PLB1: variants seen among roughly 807,000 people sequenced by gnomAD.
PLB1 encodes phospholipase B1, membrane-associated.
A neutral mutation model predicts 227.4 loss-of-function variants in PLB1; 242 were observed. That is an observed-to-expected ratio of 1.06 (90% CI 0.96 to 1.18). PLB1 has a LOEUF of 1.18. Ranked by LOEUF, PLB1 falls within the 50% of genes most tolerant of loss-of-function variation. The probability of loss-of-function intolerance (pLI) is 0.00; values close to 1 mark genes in which losing one functional copy is unlikely to be tolerated. For synonymous variants in PLB1, 757 were observed against 682.2 expected, an observed-to-expected ratio of 1.11 and a Z score of -1.71; for missense variants, 1,858 against 1,816.3, an observed-to-expected ratio of 1.02 and a Z score of -0.42.
intron 20 of PLB1, among the ~76,000 whole-genome samples, chr2:28,568,287 C>G (rs564113099): frequency 1.3e-5 from 2 of 152,294 alleles, no homozygotes; most frequent in South Asian, 4.1e-4. Flanking sequence ...TTTCTGGGCT[C>G]TTTACTTCCC....
intron 1 of PLB1, 115 bp from the exon 2 acceptor site, chr2:28,516,693 G>T: frequency 1.1e-6 from 1 of 891,212 alleles, no homozygotes; most frequent in Non-Finnish European, 1.8e-6. Flanking sequence ...CTAACACAGT[G>T]GACATTACTG....
chr2:28,638,671 G>A (rs1689641405), intron 56 of PLB1, among the ~76,000 whole-genome samples: 2 of 151,778 alleles, frequency 1.3e-5, no homozygotes, highest in African/African-American at 4.8e-5. Flanking sequence ...AAGAAACTGG[G>A]TGGATGATTG....
chr2:28,601,126 C>A, intron 36 of PLB1, 126 bp from the exon 37 acceptor site: 1 of 842,544 alleles, frequency 1.2e-6, no homozygotes, highest in Non-Finnish European at 1.9e-6. Context: ...TCCTTCAGTT[C>A]AGAGATGCTG....
intron 17 of PLB1, among the ~76,000 whole-genome samples, chr2:28,560,003 C>A (rs897502186): frequency 6.6e-6 from 1 of 152,018 alleles, no homozygotes; most frequent in African/African-American, 2.4e-5. Context: ...CTGCCCGTGT[C>A]GGCCTCCCAA....
chr2:28,620,822 T>G, intron 48 of PLB1, 57 bp from the exon 49 acceptor site: 2 of 1,435,442 alleles, frequency 1.4e-6, no homozygotes, highest in Non-Finnish European at 2.0e-6. Context: ...TCTCAGTTAC[T>G]GTGAGGGTCC....
At chr2:28,512,617 CTG>C (rs1336005442) in intron 1 of PLB1, among the ~76,000 whole-genome samples, 3 of 151,116 alleles carry the variant, frequency 2.0e-5, no homozygotes, top group African/African-American at 7.3e-5. Flanking sequence ...TGGACTTAAA[CTG>C]TGAAATCTGT....
At chr2:28,512,191 C>A (rs1668361131) in intron 1 of PLB1, among the ~76,000 whole-genome samples, 1 of 149,262 alleles carries the variant, frequency 6.7e-6, no homozygotes, top group Non-Finnish European at 1.5e-5. Flanking sequence ...AATCTTTTTT[C>A]CTCTGTATTT....
At chr2:28,605,065 G>C (rs1684472133) in intron 41 of PLB1, among the ~76,000 whole-genome samples, 1 of 152,224 alleles carries the variant, frequency 6.6e-6, no homozygotes. Flanking sequence ...CAGGTGCAGA[G>C]ATGTGAAGCG....
intron 26 of PLB1, among the ~76,000 whole-genome samples, chr2:28,588,101 G>A (rs1270676019): frequency 8.1e-6 from 1 of 123,748 alleles, no homozygotes; most frequent in Non-Finnish European, 1.6e-5. Flanking sequence ...AGAAGCTACG[G>A]CTCTCTCACT....
chr2:28,628,715 G>T, intron 52 of PLB1, 87 bp downstream of exon 52: 3 of 1,306,772 alleles, frequency 2.3e-6, no homozygotes, highest in African/African-American at 1.5e-5. Flanking sequence ...AGATGCTCAC[G>T]GAGCAGAGAC....
intron 21 of PLB1, among the ~76,000 whole-genome samples, chr2:28,576,858 C>T (rs542822950): frequency 1.1e-4 from 16 of 152,166 alleles, no homozygotes; most frequent in African/African-American, 2.9e-4. Flanking sequence ...GTGACTTACC[C>T]GAAGTTCCCA....
At chr2:28,582,684 A>G (rs936596720) in intron 25 of PLB1, among the ~76,000 whole-genome samples, 179 bp downstream of exon 25, 4 of 152,144 alleles carry the variant, frequency 2.6e-5, no homozygotes, top group Non-Finnish European at 5.9e-5. Flanking sequence ...ACCCTGGTGT[A>G]GGCCTCAGCC....
At chr2:28,632,188 C>G in intron 55 of PLB1, 48 bp downstream of exon 55, 2 of 1,431,652 alleles carry the variant, frequency 1.4e-6, no homozygotes, top group South Asian at 2.3e-5. Context: ...GGCCTTATCA[C>G]AGACGATGGA....
At chr2:28,541,997 A>T (rs916144742) in intron 13 of PLB1, among the ~76,000 whole-genome samples, 186 bp downstream of exon 13, 6 of 151,952 alleles carry the variant, frequency 3.9e-5, no homozygotes, top group South Asian at 2.1e-4. Flanking sequence ...GCCAGGCATG[A>T]TGGTGGGCGC....
At chr2:28,548,992 A>G (rs987479176) in intron 15 of PLB1, 61 bp downstream of exon 15, 2 of 1,498,028 alleles carry the variant, frequency 1.3e-6, no homozygotes, top group African/African-American at 2.8e-5. Flanking sequence ...TGGGGTGGCC[A>G]AGTGGGCTTT....
At chr2:28,633,130 G>A (rs1479624243) in intron 56 of PLB1, 91 bp downstream of exon 56, 1 of 1,117,646 alleles carries the variant, frequency 8.9e-7, no homozygotes, top group Non-Finnish European at 1.3e-6. Flanking sequence ...CTGGAGACAT[G>A]GCTCCTTTCT....
rs751641045 is a variant in PLB1 at position 28,618,364 on chromosome 2, A to G, written c.3280A>G (p.Ile1094Val). 6.2e-7 allele frequency: 1 copy of G among 1,614,148 alleles called. No homozygotes were observed. Among genetic ancestry groups the G allele is most frequent in the South Asian group, 1.1e-5 (1 of 91,082 alleles). ...AGTCCACCAGCTCCGACCAGCAGACATCAAAGTGGTGGCCGCCCTGGGTGA... is the reference window on the plus strand; with the variant it reads ...AGTCCACCAGCTCCGACCAGCAGACGTCAAAGTGGTGGCCGCCCTGGGTGA... Reference protein sequence around the residue: ...TSVHQLRPADIKVVAALGDSL... With the variant: ...TSVHQLRPADVKVVAALGDSL... The change falls in exon 46 of 58, where the codon ATC becomes GTC. Residue 1094 changes from isoleucine to valine, a missense_variant. Transcript: ENST00000327757.
intron 50 of PLB1, among the ~76,000 whole-genome samples, chr2:28,626,014 T>C (rs894840333): frequency 1.3e-5 from 2 of 150,572 alleles, no homozygotes; most frequent in Non-Finnish European, 3.0e-5. Flanking sequence ...TTTTTTTTTT[T>C]AGACGGAGTC....
intron 43 of PLB1, among the ~76,000 whole-genome samples, chr2:28,611,871 T>C (rs1278742165): frequency 6.6e-6 from 1 of 152,106 alleles, no homozygotes; most frequent in Non-Finnish European, 1.5e-5. Context: ...CTGGGCGCAG[T>C]GGCTCACGTC....
Sources: gnomAD v4.1 joint callset for allele counts (sites outside exome capture counted in the v4.1 genomes callset) on GRCh38, gnomAD v4.1.1 for gene constraint, MANE v1.5 for transcripts, NCBI Gene and HGNC (gene_info 2026-07-23, HGNC 2026-07-21) for gene names.